PTPRT: variants seen among roughly 807,000 people sequenced by gnomAD.
PTPRT encodes the protein protein tyrosine phosphatase receptor type T.
PTPRT carries 56 observed loss-of-function variants against 176.8 expected under a neutral mutation model. The ratio of observed to expected loss-of-function variants is 0.32; its 90% confidence interval spans 0.26 to 0.40. The LOEUF (loss-of-function observed/expected upper bound fraction) is 0.40, where lower values mean the gene tolerates loss of function less well. Among genes scored for constraint, PTPRT ranks in the 10% least tolerant of loss-of-function variants. The probability of loss-of-function intolerance (pLI) is 1.00; values close to 1 mark genes in which losing one functional copy is unlikely to be tolerated. For synonymous variants in PTPRT, 783 were observed against 739.0 expected (o/e 1.06, Z -0.96); for missense variants, 1,540 against 1,908.2 (o/e 0.81, Z 3.60).
intron 2 of PTPRT, among the ~76,000 whole-genome samples, chr20:42,795,501 T>G (rs2077441397): frequency 6.6e-6 from 1 of 152,244 alleles, no homozygotes; most frequent in Admixed American, 6.5e-5. Context: ...AATTGAGTTT[T>G]TAATGGCTTT....
intron 21 of PTPRT, chr20:42,115,991 GAA>G: frequency 1.4e-6 from 1 of 716,048 alleles, no homozygotes; most frequent in Middle Eastern, 2.3e-4. Flanking sequence ...ACTCATGGAT[GAA>G]AAAGAGATCA....
intron 11 of PTPRT, among the ~76,000 whole-genome samples, chr20:42,329,194 AG>A (rs1318241006): frequency 1.3e-5 from 2 of 152,192 alleles, no homozygotes; most frequent in African/African-American, 4.8e-5. Flanking sequence ...AGTGTGGAAA[AG>A]CTCACGTTAA....
At chr20:42,868,670 A>T (rs988769143) in intron 2 of PTPRT, among the ~76,000 whole-genome samples, 1 of 152,192 alleles carries the variant, frequency 6.6e-6, no homozygotes, top group Non-Finnish European at 1.5e-5. Context: ...AAATATTAAG[A>T]TGCCTGATAG....
chr20:42,713,325 C>T (rs1600650391), intron 6 of PTPRT, among the ~76,000 whole-genome samples: 1 of 152,142 alleles, frequency 6.6e-6, no homozygotes, highest in Middle Eastern at 3.4e-3. Flanking sequence ...AGTAACATTG[C>T]AATATTTTTA....
chr20:42,216,700 T>C (rs2055779228), intron 15 of PTPRT, among the ~76,000 whole-genome samples: 1 of 152,248 alleles, frequency 6.6e-6, no homozygotes, highest in African/African-American at 2.4e-5. Context: ...CATTCCTTTA[T>C]TGTTGCATCG....
intron 1 of PTPRT, among the ~76,000 whole-genome samples, chr20:43,006,146 C>T (rs78477883): frequency 0.016 from 2,371 of 152,116 alleles, 59 homozygotes; most frequent in African/African-American, 0.052. Context: ...TTTTCCACCT[C>T]GACATATTTT....
intron 7 of PTPRT, among the ~76,000 whole-genome samples, chr20:42,578,326 T>C (rs1350019981): frequency 6.6e-6 from 1 of 152,148 alleles, no homozygotes; most frequent in Non-Finnish European, 1.5e-5. Context: ...ATTATCTCCA[T>C]GTTAAGAGTA....
intron 11 of PTPRT, among the ~76,000 whole-genome samples, chr20:42,341,367 GTCTT>G (rs1226949387): frequency 8.6e-5 from 13 of 151,992 alleles, no homozygotes; most frequent in Non-Finnish European, 2.9e-5. Context: ...CAACTTGTGT[GTCTT>G]TCTTCTTTTC....
intron 7 of PTPRT, among the ~76,000 whole-genome samples, chr20:42,651,570 G>A (rs2075031090): frequency 6.6e-6 from 1 of 152,188 alleles, no homozygotes; most frequent in African/African-American, 2.4e-5. Flanking sequence ...AGCCCAGTGA[G>A]GTTTCTGTGC....
chr20:42,717,867 C>CTG (rs72024227), intron 6 of PTPRT, among the ~76,000 whole-genome samples: 1,714 of 150,154 alleles, frequency 0.011, 29 homozygotes, highest in East Asian at 0.061. Flanking sequence ...TCAAGATCAC[C>CTG]TGTGTGTGTG....
At chr20:42,502,596 A>C (rs1009861008) in intron 7 of PTPRT, among the ~76,000 whole-genome samples, 8 of 152,082 alleles carry the variant, frequency 5.3e-5, no homozygotes, top group Admixed American at 5.2e-4. Context: ...CATATTGGGT[A>C]ACTCATTTTT....
At chr20:42,977,925 T>C (rs896143774) in intron 1 of PTPRT, among the ~76,000 whole-genome samples, 1 of 152,358 alleles carries the variant, frequency 6.6e-6, no homozygotes, top group African/African-American at 2.4e-5. Context: ...TCCTCCCTTA[T>C]CCACAGGAAC....
At chr20:42,919,297 T>C (rs775306866) in intron 1 of PTPRT, among the ~76,000 whole-genome samples, 6 of 152,220 alleles carry the variant, frequency 3.9e-5, no homozygotes, top group Non-Finnish European at 7.3e-5. Flanking sequence ...CTCTTTGTAC[T>C]TCCTCTTCTT....
chr20:43,017,443 T>C (rs1190219543), intron 1 of PTPRT, among the ~76,000 whole-genome samples: 1 of 152,144 alleles, frequency 6.6e-6, no homozygotes, highest in Non-Finnish European at 1.5e-5. Flanking sequence ...TTGCTCTCCA[T>C]CTCTGCCCAG....
At chr20:42,247,739 C>G (rs1471023509) in intron 14 of PTPRT, among the ~76,000 whole-genome samples, 1 of 152,072 alleles carries the variant, frequency 6.6e-6, no homozygotes, top group Non-Finnish European at 1.5e-5. Context: ...AAGGTAGAGA[C>G]TAAGGTTGGG....
chr20:42,142,140 T>C, intron 17 of PTPRT, 138 bp from the exon 18 acceptor site: 1 of 707,614 alleles, frequency 1.4e-6, no homozygotes, highest in Non-Finnish European at 2.5e-6. Context: ...GGATGGGGCC[T>C]GGGGAGGACA....
intron 9 of PTPRT, among the ~76,000 whole-genome samples, chr20:42,400,074 A>ATGGTTC: frequency 6.6e-6 from 1 of 152,288 alleles, no homozygotes; most frequent in Non-Finnish European, 1.5e-5. Context: ...AGTGTTTGAC[A>ATGGTTC]TGGTTCTCAG....
chr20:42,607,372 A>T (rs1331738042), intron 7 of PTPRT: 7 of 152,184 alleles, frequency 4.6e-5, no homozygotes, highest in Non-Finnish European at 1.0e-4. Context: ...ACAATTTAAA[A>T]AAATGGGAGG....
At chr20:42,463,166 T>G (rs138674632) in intron 8 of PTPRT, among the ~76,000 whole-genome samples, 10 of 151,890 alleles carry the variant, frequency 6.6e-5, no homozygotes, top group African/African-American at 2.4e-4. Flanking sequence ...TACTTTCCTT[T>G]GATTAAACTA....
Sources: gnomAD v4.1 joint callset for allele counts (sites outside exome capture counted in the v4.1 genomes callset) on GRCh38, gnomAD v4.1.1 for gene constraint, MANE v1.5 for transcripts, NCBI Gene and HGNC (gene_info 2026-07-23, HGNC 2026-07-21) for gene names.